ANK3: variants seen among roughly 807,000 people sequenced by gnomAD.
ANK3 encodes the protein ankyrin 3, also known as ankyrin-3.
A neutral mutation model predicts 370.9 loss-of-function variants in ANK3; 57 were observed. The ratio of observed to expected loss-of-function variants is 0.15; its 90% CI spans 0.12 to 0.19. ANK3 has a LOEUF of 0.19. ANK3 is among the 10% of genes least tolerant of loss of function. The pLI is 1.00. For missense variants in ANK3, 4,439 were observed against 5,302.1 expected (o/e 0.84, Z 5.06); for synonymous variants, 1,929 against 1,946.3 (o/e 0.99, Z 0.23).
At chr10:60,281,803 C>T (rs1276790063) in intron 1 of ANK3, among the ~76,000 whole-genome samples, 1 of 152,114 alleles carries the variant, frequency 6.6e-6, no homozygotes, top group Admixed American at 6.5e-5. Flanking sequence ...GTCACCGAGT[C>T]AGGTGTCTGA....
chr10:60,368,932 A>AG (rs1162430892), intron 1 of ANK3, among the ~76,000 whole-genome samples: 1 of 152,214 alleles, frequency 6.6e-6, no homozygotes. Context: ...TTCAAGTAGC[A>AG]GGGGGATACT....
intron 14 of ANK3, among the ~76,000 whole-genome samples, chr10:60,197,233 T>C (rs2096600375): frequency 1.3e-5 from 2 of 152,338 alleles, no homozygotes; most frequent in Middle Eastern, 3.4e-3. Flanking sequence ...GGTTTTAGAA[T>C]GACGACGTCT....
intron 1 of ANK3, among the ~76,000 whole-genome samples, chr10:60,695,085 A>T (rs1206127176): frequency 3.3e-5 from 5 of 150,236 alleles, no homozygotes; most frequent in Admixed American, 6.6e-5. Context: ...AAAAAAAGGC[A>T]GGGGTTGCAA....
Position 60,422,746 on chromosome 10 carries a change from C to A in ANK3, c.97-143107G>T, listed in dbSNP as rs148107065. Among the ~76,000 whole-genome samples the A allele has an allele frequency of 6.0e-4, 92 of 152,094 alleles. 4 individuals are homozygous for A. The East Asian group carries it at 0.017, about 27-fold the overall frequency. On this transcript the variant is annotated intron_variant, in intron 2 of 43. Coordinates refer to the ANK3 transcript ENST00000373827. ...ATGCAAATAAGAATTAGGTAGACTG[C>A]ACAAGCTAATAAAGAGAGCTTTGCC...
At chr10:60,352,610 C>CATCAGAGTTA (rs1566788971) in intron 1 of ANK3, among the ~76,000 whole-genome samples, 1 of 152,110 alleles carries the variant, frequency 6.6e-6, no homozygotes, top group East Asian at 1.9e-4. Flanking sequence ...CAGGTGAGAA[C>CATCAGAGTTA]TTCCTATGAT....
At position 60,069,073 on chromosome 10, in the gene ANK3, C is replaced by A; in HGVS notation, c.11808G>T (p.Gly3936=). The A allele has an allele frequency of 6.2e-7, 1 of 1,614,074 alleles. No homozygotes were observed. ...VRKACATQKQ[G]QPEKGKAKQL... ...GTTTGGCCTTGCCTTTCTCTGGCTG[C>A]CCTTGCTTTTGTGTGGCACATGCTT... The change falls in exon 37 of 44, where the codon GGG becomes GGT. Residue 3936 remains glycine, a synonymous_variant. Transcript: ENST00000280772.
intron 4 of ANK3, among the ~76,000 whole-genome samples, chr10:60,277,177 C>T (rs1004146556): frequency 5.3e-5 from 8 of 152,212 alleles, no homozygotes; most frequent in South Asian, 2.1e-4. Context: ...ACTGCTATGT[C>T]GGTAGTAAGC....
At chr10:60,684,759 A>G (rs1287348390) in intron 1 of ANK3, 12 of 1,566,042 alleles carry the variant, frequency 7.7e-6, no homozygotes, top group Admixed American at 1.7e-5. Flanking sequence ...TAATGCCACT[A>G]TGGAAGTCAT....
intron 14 of ANK3, 120 bp downstream of exon 14, chr10:60,198,220 T>C: frequency 1.0e-6 from 1 of 960,946 alleles, no homozygotes; most frequent in African/African-American, 1.6e-5. Context: ...TATTAATGAC[T>C]ACTGTGGGAT....
In ANK3 at chr10:60,177,371, C is replaced by A. The variant is rs540141888; in HGVS notation, c.2184+3958G>T. Among the ~76,000 whole-genome samples, 6 of 152,250 alleles carry A rather than the reference C, an allele frequency of 3.9e-5. No individual in the cohort carries two copies. The East Asian group carries it at 9.7e-4, about 25-fold the overall frequency. On this transcript the variant is annotated intron_variant, in intron 18 of 43. Transcript: ENST00000280772. ...TCTGTGTCCAGATCAATATGTGAGT[C>A]ATTTCTTGGGTTTTCCTACTTGATT...
At chr10:60,371,315 T>C (rs993530372) in intron 1 of ANK3, among the ~76,000 whole-genome samples, 5 of 152,030 alleles carry the variant, frequency 3.3e-5, no homozygotes, top group Non-Finnish European at 2.9e-5. Context: ...CACAATGAGG[T>C]CCACCTTATA....
At chr10:60,395,162 C>T (rs994687774) in intron 2 of ANK3, among the ~76,000 whole-genome samples, 1 of 152,114 alleles carries the variant, frequency 6.6e-6, no homozygotes, top group African/African-American at 2.4e-5. Context: ...TATGATATAA[C>T]ATACAGATCA....
At chr10:60,115,719 G>C (rs555930203) in intron 25 of ANK3, among the ~76,000 whole-genome samples, 2 of 152,034 alleles carry the variant, frequency 1.3e-5, no homozygotes, top group Non-Finnish European at 2.9e-5. Context: ...TTAAGTTAGA[G>C]CCCTAAATGG....
intron 2 of ANK3, among the ~76,000 whole-genome samples, chr10:60,609,593 T>C (rs1451540377): frequency 6.6e-6 from 1 of 151,980 alleles, no homozygotes; most frequent in African/African-American, 2.4e-5. Flanking sequence ...CTATGAGAGT[T>C]ACAAAACAGT....
chr10:60,620,195 A>G (rs1362639296), intron 1 of ANK3, among the ~76,000 whole-genome samples: 3 of 152,172 alleles, frequency 2.0e-5, no homozygotes, highest in African/African-American at 7.2e-5. Flanking sequence ...TATCTGACAT[A>G]TTTCTTATTT....
At chr10:60,672,969 G>C (rs1589006217) in intron 1 of ANK3, among the ~76,000 whole-genome samples, 1 of 151,568 alleles carries the variant, frequency 6.6e-6, no homozygotes, top group East Asian at 1.9e-4. Flanking sequence ...ACTGTTCACT[G>C]TTCACTGTTT....
In ANK3 at chr10:60,029,280, G is replaced by A. The variant is rs1209631698; in HGVS notation, c.*566C>T. The A allele has an allele frequency of 6.6e-6, 1 of 152,368 alleles. No individual in the cohort carries two copies. The highest frequency in any genetic ancestry group is 1.5e-5 in the Non-Finnish European group (1 of 68,006). The allele number at this position is 152,368 out of a possible 1,614,324, so 9.4% of individuals were successfully genotyped here. On this transcript the variant is annotated 3_prime_UTR_variant, in exon 44 of 44. Transcript: ENST00000280772. ...TTGTTAAATGCATTTGCAATATTCT[G>A]TTTGTGTTCTAAGAGGCAGTGCCTT...
intron 12 of ANK3, among the ~76,000 whole-genome samples, chr10:60,201,653 T>A (rs1397154653): frequency 6.6e-6 from 1 of 151,828 alleles, no homozygotes. Flanking sequence ...GGGTTTGCTA[T>A]AACATGGTGA....
intron 1 of ANK3, among the ~76,000 whole-genome samples, chr10:60,316,451 T>C (rs760930115): frequency 6.6e-6 from 1 of 152,238 alleles, no homozygotes; most frequent in African/African-American, 2.4e-5. Context: ...TTTCGTCTTC[T>C]GGAGTTACTT....
Sources: gnomAD v4.1 joint callset for allele counts (sites outside exome capture counted in the v4.1 genomes callset) on GRCh38, gnomAD v4.1.1 for gene constraint, MANE v1.5 for transcripts, NCBI Gene and HGNC (gene_info 2026-07-23, HGNC 2026-07-21) for gene names.